The following THRB variants were observed in gnomAD, a reference collection of about 807,000 sequenced individuals.
THRB encodes thyroid hormone receptor beta, also known as nuclear receptor subfamily 1 group A member 2.
THRB carries 12 observed loss-of-function variants against 47.8 expected under a neutral mutation model. The observed-to-expected ratio is 0.25, with a 90% confidence interval of 0.16 to 0.41. The LOEUF (loss-of-function observed/expected upper bound fraction) is 0.41, where lower values mean the gene tolerates loss of function less well. Among genes scored for constraint, THRB ranks in the 10% least tolerant of loss-of-function variants. THRB has a pLI of 1.00. For synonymous variants in THRB, 218 were observed against 212.2 expected (o/e 1.03, Z -0.24); for missense variants, 348 against 589.2 (o/e 0.59, Z 4.24).
At chr3:24,400,934 C>G (rs1162933486) in intron 1 of THRB, among the ~76,000 whole-genome samples, 1 of 151,974 alleles carries the variant, frequency 6.6e-6, no homozygotes, top group Non-Finnish European at 1.5e-5. Context: ...TATTATCTGG[C>G]TTGGATAGAT....
intron 1 of THRB, among the ~76,000 whole-genome samples, chr3:24,426,366 C>T (rs994391228): frequency 2.0e-5 from 3 of 151,840 alleles, no homozygotes; most frequent in African/African-American, 7.3e-5. Context: ...TCTACCAAAC[C>T]CAGGACATAC....
At chr3:24,362,045 A>T (rs998459186) in intron 1 of THRB, among the ~76,000 whole-genome samples, 1 of 152,120 alleles carries the variant, frequency 6.6e-6, no homozygotes, top group African/African-American at 2.4e-5. Flanking sequence ...TCAATTACCG[A>T]ATGCTTACAA....
chr3:24,399,133 T>C (rs13089747), intron 1 of THRB, among the ~76,000 whole-genome samples: 151,774 of 151,790 alleles, frequency 1, 75,879 homozygotes, highest in Middle Eastern at 1. Flanking sequence ...ATGTAAATGA[T>C]GAGTTAATGG....
chr3:24,180,881 C>A (rs530342629), intron 5 of THRB, among the ~76,000 whole-genome samples: 23 of 152,312 alleles, frequency 1.5e-4, no homozygotes, highest in African/African-American at 5.5e-4. Flanking sequence ...GCTGCATCTC[C>A]AGGAGTACTC....
At chr3:24,385,548 TA>T (rs1553740868) in intron 1 of THRB, among the ~76,000 whole-genome samples, 2 of 152,136 alleles carry the variant, frequency 1.3e-5, no homozygotes, top group Non-Finnish European at 2.9e-5. Context: ...AATCTGCCTT[TA>T]AATCCTTGAG....
At chr3:24,368,863 G>C (rs1283547166) in intron 1 of THRB, among the ~76,000 whole-genome samples, 1 of 152,148 alleles carries the variant, frequency 6.6e-6, no homozygotes, top group Admixed American at 6.6e-5. Context: ...TGTAGACCAG[G>C]ACCAGAGCTC....
chr3:24,126,300 A>C (rs1330427393), intron 10 of THRB, among the ~76,000 whole-genome samples: 2 of 152,004 alleles, frequency 1.3e-5, no homozygotes, highest in Non-Finnish European at 2.9e-5. Flanking sequence ...AGAATCTCCT[A>C]AGCCCAGCAG....
At chr3:24,285,529 A>C (rs1482264030) in intron 3 of THRB, among the ~76,000 whole-genome samples, 3 of 151,284 alleles carry the variant, frequency 2.0e-5, no homozygotes, top group African/African-American at 7.3e-5. Context: ...ACATGTATAC[A>C]TATGTAACTA....
chr3:24,269,476 G>T (rs978514209), intron 3 of THRB, among the ~76,000 whole-genome samples: 7 of 151,910 alleles, frequency 4.6e-5, no homozygotes, highest in African/African-American at 1.7e-4. Context: ...CCAGGCTGGA[G>T]TGCAATGACA....
chr3:24,478,759 T>C (rs1695870214), intron 1 of THRB, among the ~76,000 whole-genome samples: 1 of 152,094 alleles, frequency 6.6e-6, no homozygotes, highest in Non-Finnish European at 1.5e-5. Flanking sequence ...CATCTCCCCC[T>C]ACCCCATGAG....
intron 1 of THRB, among the ~76,000 whole-genome samples, chr3:24,417,136 A>ATGTG (rs1553752912): frequency 6.6e-6 from 1 of 151,126 alleles, no homozygotes; most frequent in Non-Finnish European, 1.5e-5. Flanking sequence ...ACACACACAC[A>ATGTG]CACGCGCAAC....
At chr3:24,468,361 C>T (rs1201719694) in intron 1 of THRB, among the ~76,000 whole-genome samples, 3 of 152,188 alleles carry the variant, frequency 2.0e-5, no homozygotes, top group African/African-American at 7.2e-5. Flanking sequence ...TCTTCAAGAA[C>T]TTTTCCTTTG....
intron 3 of THRB, among the ~76,000 whole-genome samples, chr3:24,273,490 G>C (rs2053566842): frequency 6.6e-6 from 1 of 152,048 alleles, no homozygotes; most frequent in African/African-American, 2.4e-5. Context: ...AGAAAGAGTG[G>C]TCCCTGCTCC....
chr3:24,217,620 G>A (rs1340178959), intron 4 of THRB, among the ~76,000 whole-genome samples: 1 of 152,086 alleles, frequency 6.6e-6, no homozygotes, highest in East Asian at 1.9e-4. Flanking sequence ...TGAATTAAGG[G>A]AAGCCAGTGC....
Position 24,160,266 on chromosome 3 carries a change from C to A in THRB, c.284-7776G>T, listed in dbSNP as rs1020668852. Reference sequence around the variant, plus strand: ...GTGGGTAAAAGCACAAAGCCAGAATCAAAATTGAACTCTTGAGGGCAGGGA... The same window carrying A: ...GTGGGTAAAAGCACAAAGCCAGAATAAAAATTGAACTCTTGAGGGCAGGGA... On this transcript the variant is annotated intron_variant, in intron 5 of 10. Coordinates refer to ENST00000646209, the MANE Select transcript of THRB (RefSeq NM_001354712.2). Among the ~76,000 whole-genome samples, 3 of 152,120 alleles carry A rather than the reference C, an allele frequency of 2.0e-5. 1 individual carries two copies. The highest frequency in any genetic ancestry group is 4.4e-5 in the Non-Finnish European group (3 of 68,020).
At chr3:24,320,556 GT>G (rs1340259822) in intron 2 of THRB, among the ~76,000 whole-genome samples, 2 of 152,114 alleles carry the variant, frequency 1.3e-5, no homozygotes, top group African/African-American at 4.8e-5. Context: ...CAGCACTGAT[GT>G]TTTGGCAGAA....
At chr3:24,144,353 G>T (rs888358636) in intron 7 of THRB, 1 of 153,002 alleles carries the variant, frequency 6.5e-6, no homozygotes, top group Non-Finnish European at 1.5e-5. Flanking sequence ...AAGAGTCCAG[G>T]CTTTGGAATC....
chr3:24,407,165 G>A lies in THRB; in HGVS notation c.-260-69794C>T, dbSNP rs73825637. Among the ~76,000 whole-genome samples the A allele has an allele frequency of 6.7e-3, 1,013 of 151,900 alleles. 11 individuals carry two copies. The highest frequency in any genetic ancestry group is 0.019 in the African/African-American group (791 of 41,502). Reference sequence around the variant, plus strand: ...CTAGAAGCATCCAGTTATGAAAAACGTGTCCTCTAGCGATGGCATAGGCAT... The same window carrying A: ...CTAGAAGCATCCAGTTATGAAAAACATGTCCTCTAGCGATGGCATAGGCAT... On this transcript the variant is annotated intron_variant, in intron 1 of 10. Coordinates refer to ENST00000646209, the MANE Select transcript of THRB (RefSeq NM_001354712.2).
intron 1 of THRB, among the ~76,000 whole-genome samples, chr3:24,388,090 G>A: frequency 6.6e-6 from 1 of 152,030 alleles, no homozygotes; most frequent in East Asian, 1.9e-4. Context: ...GCTACTGAGA[G>A]GGTGGCTGAC....
Sources: allele counts gnomAD v4.1 joint callset (sites outside exome capture counted in the v4.1 genomes callset), GRCh38; gene constraint gnomAD v4.1.1; transcripts MANE v1.5; gene names NCBI Gene and HGNC (gene_info 2026-07-23, HGNC 2026-07-21).